Variants in TDP1 observed in about 807,000 individuals in gnomAD.
TDP1 encodes tyr-DNA phosphodiesterase 1.
A neutral mutation model predicts 81.5 loss-of-function variants in TDP1; 64 were observed. That is an observed-to-expected ratio of 0.79 (90% CI 0.64 to 0.97). TDP1 has a LOEUF of 0.97. Among genes scored for constraint, TDP1 ranks in the 50% least tolerant of loss-of-function variants. The probability of loss-of-function intolerance (pLI) is 0.00; values close to 1 mark genes in which losing one functional copy is unlikely to be tolerated. For synonymous variants in TDP1, 256 were observed against 264.3 expected (o/e 0.97, Z 0.30); for missense variants, 723 against 743.8 (o/e 0.97, Z 0.33).
chr14:89,982,508 C>T (rs186345232), intron 8 of TDP1, among the ~76,000 whole-genome samples: 30 of 152,240 alleles, frequency 2.0e-4, no homozygotes, highest in South Asian at 6.2e-4. Context: ...CTCAGCCTCA[C>T]GTGGTTCCAA....
chr14:89,979,142 T>C (rs1295489794), intron 7 of TDP1, among the ~76,000 whole-genome samples: 3 of 152,120 alleles, frequency 2.0e-5, no homozygotes, highest in Non-Finnish European at 4.4e-5. Context: ...GTTACAGCCA[T>C]GAGAAGTGAC....
chr14:90,007,030 T>C (rs1884110367), intron 14 of TDP1, among the ~76,000 whole-genome samples: 1 of 152,162 alleles, frequency 6.6e-6, no homozygotes, highest in African/African-American at 2.4e-5. Flanking sequence ...TCCACCCTTT[T>C]TTGGCTTTCA....
At chr14:90,015,442 C>G (rs1381833416) in intron 14 of TDP1, among the ~76,000 whole-genome samples, 1 of 152,182 alleles carries the variant, frequency 6.6e-6, no homozygotes, top group East Asian at 1.9e-4. Context: ...GGTATTCTGC[C>G]ACCATTTGCA....
At chr14:90,034,761 T>G (rs1887652152) in intron 16 of TDP1, among the ~76,000 whole-genome samples, 2 of 152,228 alleles carry the variant, frequency 1.3e-5, no homozygotes, top group Admixed American at 1.3e-4. Flanking sequence ...GAAAAGATTT[T>G]TTTTTCAATT....
chr14:90,021,088 T>C (rs1050261124), intron 15 of TDP1, among the ~76,000 whole-genome samples: 8 of 152,044 alleles, frequency 5.3e-5, no homozygotes, highest in Non-Finnish European at 8.8e-5. Flanking sequence ...CACTGCTTAA[T>C]CCAGTCTTAA....
At chr14:90,004,124 C>G (rs1446014565) in intron 14 of TDP1, among the ~76,000 whole-genome samples, 1 of 152,084 alleles carries the variant, frequency 6.6e-6, no homozygotes, top group Non-Finnish European at 1.5e-5. Flanking sequence ...ATAGAGATGA[C>G]TCAAGGTCAT....
intron 14 of TDP1, among the ~76,000 whole-genome samples, chr14:90,010,695 T>C (rs967018390): frequency 1.1e-4 from 16 of 152,116 alleles, no homozygotes; most frequent in African/African-American, 3.9e-4. Context: ...GGCAAGGAAA[T>C]GAATTCTTCC....
At chr14:90,020,444 G>A (rs1446345376) in intron 15 of TDP1, among the ~76,000 whole-genome samples, 1 of 108,516 alleles carries the variant, frequency 9.2e-6, no homozygotes, top group African/African-American at 3.9e-5. Context: ...CTAATGCTTT[G>A]CCCACATGAT....
chr14:90,032,768 G>T (rs1301065149), intron 15 of TDP1: 17 of 985,170 alleles, frequency 1.7e-5, no homozygotes, highest in Non-Finnish European at 2.0e-5. Context: ...TATACAGTGA[G>T]TTCTACAAAC....
chr14:89,985,091 C>T (rs1895404685), intron 9 of TDP1, 41 bp from the exon 10 acceptor site: 3 of 1,503,926 alleles, frequency 2.0e-6, no homozygotes, highest in Non-Finnish European at 1.8e-6. Flanking sequence ...GCCCAAAGCA[C>T]ATCACTATAT....
intron 8 of TDP1, chr14:89,983,159 G>A (rs1157784480): frequency 2.2e-6 from 1 of 455,940 alleles, no homozygotes; most frequent in South Asian, 1.5e-5. Context: ...GCCTCACTCA[G>A]CCTGGGAACT....
At chr14:89,996,663 C>T (rs1457927137) in intron 14 of TDP1, among the ~76,000 whole-genome samples, 1 of 152,184 alleles carries the variant, frequency 6.6e-6, no homozygotes, top group East Asian at 1.9e-4. Flanking sequence ...TTGCCTTGGA[C>T]AAGTTTCTTA....
At position 90,044,185 on chromosome 14, in the gene TDP1, A is replaced by G. The variant is rs1415800888; in HGVS notation, c.*1042A>G. 6.6e-6 allele frequency: 1 copy of G among 152,212 alleles called. No homozygotes were observed. Among genetic ancestry groups the G allele is most frequent in the African/African-American group, 2.4e-5 (1 of 41,446 alleles). The allele number at this position is 152,212 out of a possible 1,614,324, so 9.4% of individuals were successfully genotyped here. A position where few individuals can be genotyped will look rare whatever the true frequency, so the allele number is the denominator to read the frequency against. ...GTAAATGGGTCTCTCTTCTATCCCC[A>G]GAAACTTTCAGAGGAAGCAGCTCAT... On this transcript the variant is annotated 3_prime_UTR_variant, in exon 17 of 17. Coordinates refer to ENST00000335725, the MANE Select transcript of TDP1 (RefSeq NM_018319.4).
intron 4 of TDP1, 33 bp from the exon 5 acceptor site, chr14:89,967,334 A>T (rs757617459): frequency 1.9e-6 from 3 of 1,606,460 alleles, no homozygotes; most frequent in Non-Finnish European, 2.6e-6. Context: ...AGAATTACCT[A>T]TGGCTTAGTT....
intron 6 of TDP1, chr14:89,975,424 C>G (rs1460902405): frequency 1.6e-5 from 16 of 985,170 alleles, no homozygotes; most frequent in Non-Finnish European, 1.9e-5. Flanking sequence ...CCATTAATTT[C>G]TGTATAAGCC....
intron 16 of TDP1, among the ~76,000 whole-genome samples, chr14:90,037,486 CAT>C (rs1274980846): frequency 2.6e-5 from 4 of 152,130 alleles, no homozygotes; most frequent in African/African-American, 7.2e-5. Context: ...AAAAAATACA[CAT>C]ATGAGTACTT....
rs1366304905 is a variant in TDP1 at position 89,966,210 on chromosome 14, GT to G, written c.603+26del. On this transcript the variant is annotated intron_variant, in intron 4 of 16. Coordinates refer to ENST00000335725, the MANE Select transcript of TDP1 (RefSeq NM_018319.4). ...GCTCAGGTGAGTATACCTTTAAGCTGTTTTTTCTTTGGGTGAAAGTAGACAG... is the reference window on the plus strand; with the variant it reads ...GCTCAGGTGAGTATACCTTTAAGCTGTTTTTCTTTGGGTGAAAGTAGACAG... 6.4e-7 allele frequency: 1 copy of G among 1,564,934 alleles called. No homozygotes were observed. Among genetic ancestry groups the G allele is most frequent in the Non-Finnish European group, 8.8e-7 (1 of 1,135,822 alleles).
chr14:90,021,747 A>G (rs1371675334), intron 15 of TDP1, among the ~76,000 whole-genome samples: 3 of 152,256 alleles, frequency 2.0e-5, no homozygotes, highest in African/African-American at 7.2e-5. Flanking sequence ...TATAAAGACC[A>G]TCAGACAAGA....
rs769611283 is a variant in TDP1, at chr14:90,043,677, T to G, written c.*534T>G. 1.7e-5 allele frequency: 3 copies of G among 173,314 alleles called. No homozygotes were observed. The highest frequency in any genetic ancestry group is 7.2e-5 in the African/African-American group (3 of 41,592). The allele number at this position is 173,314 out of a possible 1,614,324, so 10.7% of individuals were successfully genotyped here. ...TGAGTTCAGGCATGGAAATTTTCAT[T>G]TGGAGCATCATGTCAGCACTCAAAA... On this transcript the variant is annotated 3_prime_UTR_variant, in exon 17 of 17. Transcript: ENST00000335725.
Sources: gnomAD v4.1 joint callset for allele counts (sites outside exome capture counted in the v4.1 genomes callset) on GRCh38, gnomAD v4.1.1 for gene constraint, MANE v1.5 for transcripts, NCBI Gene and HGNC (gene_info 2026-07-23, HGNC 2026-07-21) for gene names.